The following GALNT18 variants were observed in gnomAD, a reference collection of about 807,000 sequenced individuals.
GALNT18 encodes polypeptide N-acetylgalactosaminyltransferase 18.
In GALNT18, 44 loss-of-function variants were observed where a neutral mutation model predicts 69.5. The ratio of observed to expected loss-of-function variants is 0.63; its 90% CI spans 0.50 to 0.81. The LOEUF is 0.81. GALNT18 is among the 40% of genes least tolerant of loss of function. The pLI, the probability that GALNT18 is intolerant of heterozygous loss-of-function variation, is 0.00. For synonymous variants in GALNT18, 364 were observed against 318.2 expected (o/e 1.14, Z -1.53); for missense variants, 715 against 810.0 (o/e 0.88, Z 1.42).
intron 2 of GALNT18, among the ~76,000 whole-genome samples, chr11:11,434,444 C>T (rs571247609): frequency 1.3e-5 from 2 of 152,246 alleles, no homozygotes; most frequent in South Asian, 4.2e-4. Context: ...CAGTCCCTGT[C>T]CTTATGGAGC....
rs778526865 is a variant in GALNT18, at chr11:11,600,460, TATC to T, written c.235+20896_235+20898del. On this transcript the variant is annotated intron_variant, in intron 1 of 10. Transcript: ENST00000227756. This position sits in a 1 kb window ranked among gnomAD's most constrained non-coding sequence, Gnocchi z 4.8. The stretch of plus-strand genomic sequence containing the variant: ...TTTTTTTCTTTCAGCACTTTGAATA[TATC>T]ATCCCACTGCCTTTTATCCTCCATT... Among the ~76,000 whole-genome samples, 2 of 152,126 alleles carry T rather than the reference TATC, an allele frequency of 1.3e-5. No individual in the cohort carries two copies. The highest frequency in any genetic ancestry group is 2.4e-5 in the African/African-American group (1 of 41,446).
intron 1 of GALNT18, among the ~76,000 whole-genome samples, chr11:11,455,731 A>C (rs1408091702): frequency 6.6e-6 from 1 of 152,198 alleles, no homozygotes; most frequent in Non-Finnish European, 1.5e-5. Context: ...TTATTTGGAA[A>C]TAGTTTCTGA....
chr11:11,425,703 GA>G (rs1855113281), intron 3 of GALNT18, among the ~76,000 whole-genome samples: 4 of 152,126 alleles, frequency 2.6e-5, no homozygotes, highest in Non-Finnish European at 5.9e-5. Context: ...GAACCTGAAA[GA>G]GTTCACGTTC....
intron 1 of GALNT18, among the ~76,000 whole-genome samples, chr11:11,492,814 G>A (rs1856800602): frequency 6.6e-6 from 1 of 152,136 alleles, no homozygotes; most frequent in Admixed American, 6.5e-5. Flanking sequence ...CTAAAACCTA[G>A]ATGAGGGGTT....
chr11:11,321,520 C>T (rs1312469985), intron 9 of GALNT18, among the ~76,000 whole-genome samples: 1 of 152,218 alleles, frequency 6.6e-6, no homozygotes, highest in Non-Finnish European at 1.5e-5. Flanking sequence ...CATCCCAATG[C>T]CCACTTCACT....
At chr11:11,495,140 A>T (rs1856844745) in intron 1 of GALNT18, among the ~76,000 whole-genome samples, 1 of 152,300 alleles carries the variant, frequency 6.6e-6, no homozygotes, top group South Asian at 2.1e-4. Context: ...TTTTGTCAGC[A>T]ATTTGAAGTT....
At chr11:11,609,181 C>T (rs1223404599) in intron 1 of GALNT18, among the ~76,000 whole-genome samples, 1 of 152,234 alleles carries the variant, frequency 6.6e-6, no homozygotes, top group Non-Finnish European at 1.5e-5. Context: ...TGCTCACCCC[C>T]TCTGGTAGCT....
At position 11,473,569 on chromosome 11, in the gene GALNT18, T is replaced by C. The variant is rs140873835; in HGVS notation, c.236-24633A>G. ...TGTGCAGACGGTGCAGAGTGAAATA[T>C]GTGAGCTTCACTTTCAGCATCCTGA... is the stretch of plus-strand genomic sequence containing the variant. On this transcript the variant is annotated intron_variant, in intron 1 of 10. Transcript: ENST00000227756. Among the ~76,000 whole-genome samples, 248 of 152,360 alleles carry C rather than the reference T, an allele frequency of 1.6e-3. 1 individual carries two copies. The highest frequency in any genetic ancestry group is 5.9e-3 in the African/African-American group (247 of 41,586).
At position 11,352,121 on chromosome 11, in the gene GALNT18, T is replaced by G. The variant is rs778986585; in HGVS notation, c.1093-11117A>C. The G allele has an allele frequency of 3.1e-6, 5 of 1,613,442 alleles. No individual in the cohort carries two copies. In the Admixed American group the frequency reaches 8.3e-5, roughly 27 times the overall value. On this transcript the variant is annotated intron_variant, in intron 6 of 10. Transcript: ENST00000227756. ...CCCCTGGCATGCTAGATGAACCCATTCGAGCCTGGTCCTTCACAACAGTGT... is the reference window on the plus strand; with the variant it reads ...CCCCTGGCATGCTAGATGAACCCATGCGAGCCTGGTCCTTCACAACAGTGT...
intron 8 of GALNT18, among the ~76,000 whole-genome samples, chr11:11,330,041 C>T (rs1296077251): frequency 6.6e-6 from 1 of 152,182 alleles, no homozygotes. Flanking sequence ...CTCTCAGCAC[C>T]AGAGCTGTGA....
rs886586356 is a variant in GALNT18, at chr11:11,372,498, T to C, written c.1092+17A>G. 1 of 1,603,748 alleles carries C rather than the reference T, an allele frequency of 6.2e-7. No homozygotes were observed. Among genetic ancestry groups the C allele is most frequent in the African/African-American group, 1.3e-5 (1 of 74,630 alleles). On this transcript the variant is annotated intron_variant, in intron 6 of 10. Transcript: ENST00000227756. This position sits in a 1 kb window ranked among gnomAD's most constrained non-coding sequence, Gnocchi z 4.9. The stretch of plus-strand genomic sequence containing the variant: ...TGGGAGCTGAGCCGAGCAGTTTGAG[T>C]GAGAAACCCCACTCACCCTGATCCC...
Position 11,511,963 on chromosome 11 carries a change from A to G in GALNT18, c.236-63027T>C, listed in dbSNP as rs1198228668. 6.6e-6 allele frequency among the ~76,000 whole-genome samples: 1 copy of G among 152,202 alleles called. No individual in the cohort carries two copies. The highest frequency in any genetic ancestry group is 1.5e-5 in the Non-Finnish European group (1 of 68,040). ...CTCAAACTGATCAACACATATACAT[A>G]TGTATATGTATGCATACCATCATAT... On this transcript the variant is annotated intron_variant, in intron 1 of 10. Transcript: ENST00000227756. This position sits in a 1 kb window ranked among gnomAD's most constrained non-coding sequence, Gnocchi z 4.9.
chr11:11,407,956 C>T (rs1007882920), intron 3 of GALNT18, among the ~76,000 whole-genome samples: 5 of 152,136 alleles, frequency 3.3e-5, no homozygotes, highest in Middle Eastern at 3.2e-3. Flanking sequence ...GTGTCCTGAG[C>T]GCCCTATAAG....
rs573769687 is a variant in GALNT18, at chr11:11,540,575, C to G, written c.235+80784G>C. Among the ~76,000 whole-genome samples, 18 of 152,152 alleles carry G rather than the reference C, an allele frequency of 1.2e-4. No homozygotes were observed. The highest frequency in any genetic ancestry group is 2.2e-4 in the Non-Finnish European group (15 of 67,994). On this transcript the variant is annotated intron_variant, in intron 1 of 10. Transcript: ENST00000227756. The surrounding 1 kb of genome is among the most constrained non-coding windows in gnomAD (Gnocchi z 4.6). ...TGAGGGGCTCCCAGAATTAGAGCAC[C>G]CTTTGACCCTGAAAACTGATCCCTG...
At chr11:11,526,628 G>T (rs956412812) in intron 1 of GALNT18, among the ~76,000 whole-genome samples, 3 of 152,090 alleles carry the variant, frequency 2.0e-5, no homozygotes, top group Non-Finnish European at 4.4e-5. Context: ...TACATCTCAG[G>T]CTACACGTCC....
chr11:11,297,870 C>A (rs1162588673), intron 9 of GALNT18, among the ~76,000 whole-genome samples: 1 of 152,242 alleles, frequency 6.6e-6, no homozygotes, highest in African/African-American at 2.4e-5. Context: ...TCCAGCATTT[C>A]ATTTTGATTC....
chr11:11,279,140 G>T (rs1849012790), intron 10 of GALNT18, among the ~76,000 whole-genome samples: 1 of 152,090 alleles, frequency 6.6e-6, no homozygotes, highest in Admixed American at 6.6e-5. Flanking sequence ...AAAAGTGTGT[G>T]GCACCTCCTC....
intron 1 of GALNT18, among the ~76,000 whole-genome samples, chr11:11,515,036 T>A (rs1047054730): frequency 1.3e-5 from 2 of 152,208 alleles, no homozygotes; most frequent in Non-Finnish European, 2.9e-5. Flanking sequence ...TGAGAGGCAT[T>A]ACAGAGGCCA....
At chr11:11,530,496 A>T (rs936938392) in intron 1 of GALNT18, among the ~76,000 whole-genome samples, 4 of 152,188 alleles carry the variant, frequency 2.6e-5, no homozygotes, top group Non-Finnish European at 5.9e-5. Flanking sequence ...GAGCTTTGTG[A>T]TCTGGAGTGC....
Sources: allele counts gnomAD v4.1 joint callset (sites outside exome capture counted in the v4.1 genomes callset), GRCh38; gene constraint gnomAD v4.1.1; non-coding constraint Gnocchi (gnomAD v3.1); transcripts MANE v1.5; gene names NCBI Gene and HGNC (gene_info 2026-07-23, HGNC 2026-07-21).